The following LRP1B variants were observed in gnomAD, a reference collection of about 807,000 sequenced individuals.
LRP1B encodes low-density lipoprotein receptor-related protein 1B.
Under a neutral mutation model 556.6 loss-of-function variants are expected in LRP1B, and 217 were observed. The observed-to-expected ratio is 0.39, with a 90% CI of 0.35 to 0.44. The LOEUF (loss-of-function observed/expected upper bound fraction) is 0.44. LRP1B is among the 20% of genes least tolerant of loss of function. The pLI, the probability that LRP1B is intolerant of heterozygous loss-of-function variation, is 1.00. For missense variants in LRP1B, 5,053 were observed against 5,620.8 expected (o/e 0.90, Z 3.23); for synonymous variants, 2,047 against 1,865.8 (o/e 1.10, Z -2.50).
rs67960557 is a variant in LRP1B, at chr2:141,492,091, A to AAAAAAAAAAAAAAAAAAAAAAAAC, written c.206-11559_206-11558insGTTTTTTTTTTTTTTTTTTTTTTT. Among the ~76,000 whole-genome samples the AAAAAAAAAAAAAAAAAAAAAAAAC allele has an allele frequency of 1.0e-4, 10 of 100,198 alleles. 1 individual carries two copies. The highest frequency in any genetic ancestry group is 2.6e-4 in the Admixed American group (2 of 7,692). 65.7% of individuals were successfully genotyped at this position (100,198 alleles called of 152,430 possible). ...TATTTAGCTTTCTGAAAAAAAAAAA[A>AAAAAAAAAAAAAAAAAAAAAAAAC]CACTAAGAAAACCAACATTTGATGA... On this transcript the variant is annotated intron_variant, in intron 2 of 90. Transcript: ENST00000389484.
rs150471983 is a variant in LRP1B at position 140,922,680 on chromosome 2, A to G, written c.3319+285T>C. Among the ~76,000 whole-genome samples, 873 of 152,120 alleles carry G rather than the reference A, an allele frequency of 5.7e-3. 9 individuals carry two copies. Among genetic ancestry groups the G allele is most frequent in the African/African-American group, 0.02 (821 of 41,518 alleles). On this transcript the variant is annotated intron_variant, in intron 21 of 90. Transcript: ENST00000389484. Reference sequence around the variant, plus strand: ...CAGAAATAAATAAACAAATAAATTAATTAATTAATTAAATTAAATCCTAAG... The same window carrying G: ...CAGAAATAAATAAACAAATAAATTAGTTAATTAATTAAATTAAATCCTAAG...
chr2:140,367,953 G>A (rs17722873), intron 71 of LRP1B, among the ~76,000 whole-genome samples: 2,175 of 151,782 alleles, frequency 0.014, 25 homozygotes, highest in Middle Eastern at 0.041. Flanking sequence ...ATGAGTGTTG[G>A]ATATGCCACT....
intron 3 of LRP1B, among the ~76,000 whole-genome samples, chr2:141,390,399 A>G (rs2104904256): frequency 6.6e-6 from 1 of 152,340 alleles, no homozygotes; most frequent in East Asian, 1.9e-4. Context: ...ACTCCCTCAA[A>G]AACATAAACA....
chr2:141,658,008 A>G (rs1188519498), intron 2 of LRP1B, among the ~76,000 whole-genome samples: 4 of 152,198 alleles, frequency 2.6e-5, no homozygotes, highest in African/African-American at 9.6e-5. Context: ...AGTACCACAA[A>G]TGAAAATGTA....
At chr2:141,730,764 T>C (rs1441840801) in intron 2 of LRP1B, among the ~76,000 whole-genome samples, 1 of 152,174 alleles carries the variant, frequency 6.6e-6, no homozygotes, top group African/African-American at 2.4e-5. Context: ...GAAATCATTG[T>C]ACTCATAGAT....
intron 1 of LRP1B, among the ~76,000 whole-genome samples, chr2:142,106,742 G>A (rs944196761): frequency 7.2e-5 from 11 of 152,088 alleles, no homozygotes; most frequent in Non-Finnish European, 1.3e-4. Context: ...TGGTAATAAT[G>A]ATGACCTTGA....
intron 32 of LRP1B, among the ~76,000 whole-genome samples, chr2:140,806,487 T>C (rs889172966): frequency 8.5e-5 from 13 of 152,114 alleles, no homozygotes; most frequent in African/African-American, 3.1e-4. Context: ...TAGCAGAGAA[T>C]AATGAATAAA....
chr2:141,795,878 A>ATATATG (rs1291202847), intron 2 of LRP1B, among the ~76,000 whole-genome samples: 4 of 71,704 alleles, frequency 5.6e-5, no homozygotes, highest in African/African-American at 1.5e-4. Flanking sequence ...ATATATATAT[A>ATATATG]TATATATATA....
chr2:141,813,315 T>G (rs1312389678), intron 1 of LRP1B, among the ~76,000 whole-genome samples: 2 of 152,100 alleles, frequency 1.3e-5, no homozygotes, highest in Non-Finnish European at 2.9e-5. Context: ...GACTGACGGT[T>G]AGAGTATGGA....
intron 35 of LRP1B, among the ~76,000 whole-genome samples, chr2:140,743,944 C>T (rs1249140865): frequency 5.5e-5 from 6 of 109,242 alleles, no homozygotes; most frequent in Middle Eastern, 0.011. Context: ...TCCAGCCTGG[C>T]GACAGAGTGA....
intron 59 of LRP1B, 84 bp from the exon 60 acceptor site, chr2:140,475,421 T>C (rs1687933788): frequency 9.2e-6 from 9 of 977,452 alleles, no homozygotes; most frequent in Non-Finnish European, 1.2e-5. Flanking sequence ...TTTGCTCAAC[T>C]GTTCCCACAT....
At chr2:141,352,981 T>C (rs1271452963) in intron 3 of LRP1B, among the ~76,000 whole-genome samples, 4 of 151,996 alleles carry the variant, frequency 2.6e-5, no homozygotes. Flanking sequence ...AGAGGTACTA[T>C]CTTATATTTT....
intron 2 of LRP1B, among the ~76,000 whole-genome samples, chr2:141,569,332 A>G (rs1686448034): frequency 6.6e-6 from 1 of 151,060 alleles, no homozygotes; most frequent in South Asian, 2.1e-4. Context: ...GGCCCTAGAA[A>G]TATAAAAAAA....
chr2:141,339,276 A>G (rs561314901), intron 3 of LRP1B, among the ~76,000 whole-genome samples: 1 of 147,966 alleles, frequency 6.8e-6, no homozygotes, highest in Admixed American at 6.9e-5. Flanking sequence ...TATGTTTGTC[A>G]TCTCACTACT....
At chr2:140,947,099 G>T (rs572111602) in intron 20 of LRP1B, among the ~76,000 whole-genome samples, 2 of 152,180 alleles carry the variant, frequency 1.3e-5, no homozygotes, top group Admixed American at 1.3e-4. Context: ...ATTAATAGAA[G>T]TCCAAACCTC....
chr2:140,329,670 T>C (rs1432569242), intron 79 of LRP1B, among the ~76,000 whole-genome samples: 1 of 151,732 alleles, frequency 6.6e-6, no homozygotes, highest in Non-Finnish European at 1.5e-5. Context: ...ATAAAATACT[T>C]AGAAATACAG....
chr2:141,203,373 A>G (rs1323789709), intron 6 of LRP1B, among the ~76,000 whole-genome samples: 1 of 152,164 alleles, frequency 6.6e-6, no homozygotes, highest in Non-Finnish European at 1.5e-5. Context: ...AAGGAAAAAA[A>G]AAAAGAGTTG....
chr2:141,922,828 G>C (rs1700226860), intron 1 of LRP1B, among the ~76,000 whole-genome samples: 1 of 152,122 alleles, frequency 6.6e-6, no homozygotes, highest in African/African-American at 2.4e-5. Context: ...AGCCAGGCGT[G>C]GTGGCTCCTG....
chr2:140,511,636 C>G (rs1171296819), intron 51 of LRP1B, among the ~76,000 whole-genome samples: 3 of 152,092 alleles, frequency 2.0e-5, no homozygotes, highest in Non-Finnish European at 4.4e-5. Context: ...ACATACCTGT[C>G]CTTGACATAT....
Sources: gnomAD v4.1 joint callset for allele counts (sites outside exome capture counted in the v4.1 genomes callset) on GRCh38, gnomAD v4.1.1 for gene constraint, MANE v1.5 for transcripts, NCBI Gene and HGNC (gene_info 2026-07-23, HGNC 2026-07-21) for gene names.